Variants in UBQLN4 observed in about 807,000 individuals in gnomAD.
The protein encoded by UBQLN4 is ubiquilin-4.
A neutral mutation model predicts 60.4 loss-of-function variants in UBQLN4; 11 were observed. The observed-to-expected ratio is 0.18, with a 90% CI of 0.11 to 0.30. The LOEUF is 0.30. Among genes scored for constraint, UBQLN4 ranks in the 10% least tolerant of loss-of-function variants. UBQLN4 has a pLI of 1.00. For missense variants in UBQLN4, 417 were observed against 795.5 expected (o/e 0.52, Z 5.72); for synonymous variants, 258 against 313.1 (o/e 0.82, Z 1.86).
chr1:156,051,993 G>T, intron 1 of UBQLN4, 136 bp from the exon 2 acceptor site: 1 of 1,044,158 alleles, frequency 9.6e-7, no homozygotes, highest in Non-Finnish European at 1.4e-6. Context: ...TAGTCTCGAC[G>T]CCATTCCTCC....
At position 156,051,145 on chromosome 1, in the gene UBQLN4, C is replaced by G. The variant is rs751878827; in HGVS notation, c.443G>C (p.Gly148Ala). ...CGCAGTAGCACTGGGGGATCCCTCCCCAGCCCCCGGAGAGGGCCCCCCACC... is the reference window on the plus strand; with the variant it reads ...CGCAGTAGCACTGGGGGATCCCTCCGCAGCCCCCGGAGAGGGCCCCCCACC... ...SSGGGPSPGA[G>A]EGSPSATASI... is the part of the protein sequence containing the mutation. The change falls in exon 3 of 11, where the codon GGG becomes GCG. Residue 148 changes from glycine to alanine, a missense_variant. Gly to Ala is a moderately conservative substitution (Grantham distance 60). Transcript: ENST00000368309. The G allele has an allele frequency of 1.2e-6, 2 of 1,612,914 alleles. No homozygotes were observed. The highest frequency in any genetic ancestry group is 3.3e-5 in the Admixed American group (2 of 59,900).
At chr1:156,040,110 C>T (rs1683516535) in intron 10 of UBQLN4, among the ~76,000 whole-genome samples, 2 of 151,186 alleles carry the variant, frequency 1.3e-5, no homozygotes. Flanking sequence ...AAAGCCCTTT[C>T]TGGACGGGTG....
intron 10 of UBQLN4, among the ~76,000 whole-genome samples, chr1:156,039,399 C>T (rs912873598): frequency 5.9e-5 from 9 of 151,804 alleles, no homozygotes; most frequent in South Asian, 2.1e-4. Flanking sequence ...GATAGGCATG[C>T]GCCACGACAC....
At chr1:156,053,223 G>A (rs771733811) in intron 1 of UBQLN4, among the ~76,000 whole-genome samples, 2 of 152,114 alleles carry the variant, frequency 1.3e-5, no homozygotes, top group Non-Finnish European at 2.9e-5. Context: ...GCACAGAGTA[G>A]GCGCCGGCGC....
intron 5 of UBQLN4, among the ~76,000 whole-genome samples, chr1:156,047,447 T>C (rs945838784): frequency 1.3e-5 from 2 of 150,636 alleles, no homozygotes; most frequent in Non-Finnish European, 3.0e-5. Flanking sequence ...GTTTCACCAT[T>C]TTAGCCAGGA....
chr1:156,038,894 C>T lies in UBQLN4; in HGVS notation c.1654-1764G>A, dbSNP rs912044579. Among the ~76,000 whole-genome samples, 6 of 148,316 alleles carry T rather than the reference C, an allele frequency of 4.0e-5. No homozygotes were observed. The South Asian group carries it at 8.5e-4, about 21-fold the overall frequency. ...GCATGATCTGCCTCCCGGGTTGAAGCGATTCTCTTGCCTCAGCCTCCTGAA... is the reference window on the plus strand; with the variant it reads ...GCATGATCTGCCTCCCGGGTTGAAGTGATTCTCTTGCCTCAGCCTCCTGAA... On this transcript the variant is annotated intron_variant, in intron 10 of 10. Coordinates refer to ENST00000368309, the MANE Select transcript of UBQLN4 (RefSeq NM_020131.5).
rs377421089 is a variant in UBQLN4, at chr1:156,048,678, C to A, written c.742-19G>T. ...CCATTGTCTGATCAAGGGAGAGAGA[C>A]AAAATGGGCCCCGGAACCAGGGGAG... On this transcript the variant is annotated intron_variant, in intron 4 of 10. Coordinates refer to ENST00000368309, the MANE Select transcript of UBQLN4 (RefSeq NM_020131.5). The surrounding 1 kb of genome is among the most constrained non-coding windows in gnomAD (Gnocchi z 4.9). 1.3e-5 allele frequency: 21 copies of A among 1,605,178 alleles called. No homozygotes were observed. In the African/African-American group the frequency reaches 1.9e-4, roughly 14 times the overall value.
At chr1:156,052,106 C>T (rs1364974322) in intron 1 of UBQLN4, among the ~76,000 whole-genome samples, 1 of 152,158 alleles carries the variant, frequency 6.6e-6, no homozygotes, top group African/African-American at 2.4e-5. Context: ...GCCCCTGCTG[C>T]TATCTGCCTC....
downstream of UBQLN4, among the ~76,000 whole-genome samples, chr1:156,031,570 ACTT>A (rs1219261395): frequency 1.1e-4 from 16 of 143,572 alleles, no homozygotes; most frequent in South Asian, 1.8e-3. Flanking sequence ...TGGTATAGGA[ACTT>A]CTTCTTTTTT....
At chr1:156,049,392 T>C (rs1320880875) in intron 4 of UBQLN4, among the ~76,000 whole-genome samples, 1 of 152,236 alleles carries the variant, frequency 6.6e-6, no homozygotes, top group Non-Finnish European at 1.5e-5. Context: ...CTTTCTTCTA[T>C]GGAGCCAATG....
chr1:156,039,936 C>CAAAAAAA (rs34790727), intron 10 of UBQLN4, among the ~76,000 whole-genome samples: 4 of 72,008 alleles, frequency 5.6e-5, no homozygotes, highest in African/African-American at 2.2e-4. Context: ...GACTCCGTCT[C>CAAAAAAA]AAAAAAAAAA....
Position 156,051,245 on chromosome 1 carries a change from G to A in UBQLN4, c.343C>T (p.Pro115Ser), listed in dbSNP as rs1683861532. The A allele has an allele frequency of 6.3e-7, 1 of 1,595,570 alleles. No homozygotes were observed. The highest frequency in any genetic ancestry group is 1.3e-5 in the African/African-American group (1 of 74,640). The change falls in exon 3 of 11, where the codon CCC (proline) becomes TCC (serine). Residue 115 changes from proline (P) to serine (S), a missense_variant. Coordinates refer to ENST00000368309, the MANE Select transcript of UBQLN4 (RefSeq NM_020131.5). ...ASAPSTTPAS[P>S]ATPAQPSTSG... ...GTGGAGGGCTGGGCAGGGGTGGCGG[G>A]TGAAGCAGGCGTGGTGGAGGGTGCT...
Position 156,048,397 on chromosome 1 carries a change from G to C in UBQLN4, c.900+104C>G. On this transcript the variant is annotated intron_variant, in intron 5 of 10. Transcript: ENST00000368309. The surrounding 1 kb of genome is among the most constrained non-coding windows in gnomAD (Gnocchi z 4.9). Reference sequence around the variant, plus strand: ...CTTCAAGCCAAGGCCCACCCCTCAGGGGACTGGGGAAAGAAAGAAGAGCAG... The same window carrying C: ...CTTCAAGCCAAGGCCCACCCCTCAGCGGACTGGGGAAAGAAAGAAGAGCAG... 1 of 1,381,042 alleles carries C rather than the reference G, an allele frequency of 7.2e-7. No homozygotes were observed. Among genetic ancestry groups the C allele is most frequent in the Non-Finnish European group, 9.8e-7 (1 of 1,022,460 alleles). 85.5% of individuals were successfully genotyped at this position (1,381,042 alleles called of 1,614,324 possible). A position where few individuals can be genotyped will look rare whatever the true frequency, so the allele number is the denominator to read the frequency against.
intron 5 of UBQLN4, among the ~76,000 whole-genome samples, chr1:156,046,226 G>A (rs866123100): frequency 6.6e-6 from 1 of 150,994 alleles, no homozygotes; most frequent in African/African-American, 2.4e-5. Flanking sequence ...GGTGGCTCAC[G>A]CCTATAATCC....
chr1:156,042,925 C>CG lies in UBQLN4; in HGVS notation c.1127-13dup. On this transcript the variant is annotated splice_polypyrimidine_tract_variant and intron_variant, in intron 6 of 10. Coordinates refer to ENST00000368309, the MANE Select transcript of UBQLN4 (RefSeq NM_020131.5). The stretch of plus-strand genomic sequence containing the variant: ...GCTATTGAACATCCCTAGGACAAGG[C>CG]GGAAAAAAAGAAAACAGGAGAGAAA... 6.2e-7 allele frequency: 1 copy of CG among 1,610,076 alleles called. No homozygotes were observed. Among genetic ancestry groups the CG allele is most frequent in the Non-Finnish European group, 8.5e-7 (1 of 1,178,592 alleles).
rs1417180003 is a variant in UBQLN4, at chr1:156,053,792, A to C, written c.-91T>G. 3 of 504,200 alleles carry C rather than the reference A, an allele frequency of 6.0e-6. No homozygotes were observed. Among genetic ancestry groups the C allele is most frequent in the East Asian group, 5.4e-5 (1 of 18,414 alleles). The allele number at this position is 504,200 out of a possible 1,614,324, so 31.2% of individuals were successfully genotyped here. On this transcript the variant is annotated 5_prime_UTR_variant, in exon 1 of 11. Transcript: ENST00000368309. The stretch of plus-strand genomic sequence containing the variant: ...GGCCCGGCTCGGCTTCTGCGCCTCC[A>C]ACACTCCCCTCTCTCCACCTCTCCC...
intron 3 of UBQLN4, 37 bp downstream of exon 3, chr1:156,051,073 C>T: frequency 1.3e-6 from 2 of 1,598,020 alleles, no homozygotes; most frequent in East Asian, 2.2e-5. Flanking sequence ...ACTCCCCAAC[C>T]CCAAACAAGA....
chr1:156,048,793 G>T lies in UBQLN4; in HGVS notation c.742-134C>A. On this transcript the variant is annotated intron_variant, in intron 4 of 10. Coordinates refer to ENST00000368309, the MANE Select transcript of UBQLN4 (RefSeq NM_020131.5). The surrounding 1 kb of genome is among the most constrained non-coding windows in gnomAD (Gnocchi z 4.9). ...CCAGGAACTGCCCCACAGTGACAGG[G>T]AGTAGAGTAAACTGGACTTCCTTCC... The T allele has an allele frequency of 3.0e-6, 3 of 985,512 alleles. No individual in the cohort carries two copies. The highest frequency in any genetic ancestry group is 4.4e-6 in the Non-Finnish European group (3 of 678,524). The allele number at this position is 985,512 out of a possible 1,614,324, so 61.0% of individuals were successfully genotyped here.
Position 156,035,810 on chromosome 1 carries a change from T to C in UBQLN4, c.*1168A>G. On this transcript the variant is annotated 3_prime_UTR_variant, in exon 11 of 11. Coordinates refer to ENST00000368309, the MANE Select transcript of UBQLN4 (RefSeq NM_020131.5). ...CCGGATATATATTCCTGCAATGGAC[T>C]GACCTTTTTACCCACTTGTCTCTGG... 1.0e-6 allele frequency: 1 copy of C among 985,508 alleles called. No homozygotes were observed. The highest frequency in any genetic ancestry group is 1.2e-6 in the Non-Finnish European group (1 of 829,934). 61.0% of individuals were successfully genotyped at this position (985,508 alleles called of 1,614,324 possible). A position where few individuals can be genotyped will look rare whatever the true frequency, so the allele number is the denominator to read the frequency against.
Sources: allele counts gnomAD v4.1 joint callset (sites outside exome capture counted in the v4.1 genomes callset), GRCh38; gene constraint gnomAD v4.1.1; non-coding constraint Gnocchi (gnomAD v3.1); transcripts MANE v1.5; gene names NCBI Gene and HGNC (gene_info 2026-07-23, HGNC 2026-07-21).